EZH2: variants seen among roughly 807,000 people sequenced by gnomAD.
EZH2 encodes enhancer of zeste 2 polycomb repressive complex 2 subunit.
EZH2 carries 18 observed loss-of-function variants against 98.4 expected under a neutral mutation model. The ratio of observed to expected loss-of-function variants is 0.18; its 90% CI spans 0.13 to 0.27. EZH2 has a LOEUF of 0.27. EZH2 is among the 10% of genes least tolerant of loss of function. The pLI is 1.00. For synonymous variants in EZH2, 338 were observed against 312.3 expected (o/e 1.08, Z -0.87); for missense variants, 470 against 935.1 (o/e 0.50, Z 6.49).
intron 1 of EZH2, among the ~76,000 whole-genome samples, chr7:148,865,564 C>A (rs149690927): frequency 1.3e-5 from 2 of 152,238 alleles, no homozygotes; most frequent in East Asian, 3.9e-4. Flanking sequence ...AAGTACAAAC[C>A]AACAACTCTG....
intron 15 of EZH2, 177 bp from the exon 16 acceptor site, chr7:148,811,897 G>C (rs1306040211): frequency 3.4e-6 from 2 of 582,176 alleles, no homozygotes; most frequent in East Asian, 5.7e-5. Flanking sequence ...GAATGGCTAT[G>C]AACATTATGT....
intron 1 of EZH2, among the ~76,000 whole-genome samples, chr7:148,881,983 C>T (rs1821056710): frequency 1.3e-5 from 2 of 148,592 alleles, no homozygotes; most frequent in South Asian, 2.1e-4. Flanking sequence ...CACACACACA[C>T]ACACACACAC....
chr7:148,841,565 A>T (rs141090536), intron 3 of EZH2, among the ~76,000 whole-genome samples: 285 of 152,310 alleles, frequency 1.9e-3, no homozygotes, highest in Non-Finnish European at 3.4e-3. Flanking sequence ...TTTCTGCCAT[A>T]TTTGCTCAAA....
intron 1 of EZH2, among the ~76,000 whole-genome samples, chr7:148,866,108 G>A (rs1451773053): frequency 6.6e-6 from 1 of 152,146 alleles, no homozygotes; most frequent in African/African-American, 2.4e-5. Context: ...GCAGTTATGA[G>A]CAGTAAGTCT....
At chr7:148,841,649 A>G (rs996928764) in intron 3 of EZH2, among the ~76,000 whole-genome samples, 2 of 152,226 alleles carry the variant, frequency 1.3e-5, no homozygotes, top group African/African-American at 4.8e-5. Flanking sequence ...CTACACTCAA[A>G]GAATGTATCT....
At chr7:148,860,206 A>G (rs1817465394) in intron 1 of EZH2, among the ~76,000 whole-genome samples, 1 of 152,184 alleles carries the variant, frequency 6.6e-6, no homozygotes, top group Non-Finnish European at 1.5e-5. Flanking sequence ...AAGTTGAATT[A>G]ACCCTGGGAT....
At chr7:148,871,841 TG>T (rs1251678143) in intron 1 of EZH2, among the ~76,000 whole-genome samples, 3 of 152,140 alleles carry the variant, frequency 2.0e-5, no homozygotes, top group Non-Finnish European at 4.4e-5. Flanking sequence ...TCCCAAGTGC[TG>T]GGATTACAGG....
intron 1 of EZH2, chr7:148,876,222 G>C (rs1266895818): frequency 1.3e-5 from 2 of 152,110 alleles, no homozygotes; most frequent in Admixed American, 1.3e-4. Context: ...AGGAGGCGGA[G>C]GTTGCAGTGA....
Position 148,817,209 on chromosome 7 carries a change from T to A in EZH2, c.1410+13A>T, listed in dbSNP as rs1045918839. The A allele has an allele frequency of 2.5e-6, 4 of 1,603,626 alleles. No homozygotes were observed. Among genetic ancestry groups the A allele is most frequent in the Non-Finnish European group, 3.4e-6 (4 of 1,175,038 alleles). On this transcript the variant is annotated intron_variant, in intron 11 of 19. Transcript: ENST00000320356. ...TGAAGCTCTTTTAACAACATTTTTA[T>A]CGGATATCTTACCTGTCTACATGTT...
intron 1 of EZH2, among the ~76,000 whole-genome samples, chr7:148,872,995 T>TAAG (rs1819636140): frequency 6.6e-6 from 1 of 151,954 alleles, no homozygotes. Context: ...GGGCAACATA[T>TAAG]AAGACCCCAA....
At chr7:148,873,658 A>G (rs754904142) in intron 1 of EZH2, among the ~76,000 whole-genome samples, 6 of 150,488 alleles carry the variant, frequency 4.0e-5, no homozygotes, top group African/African-American at 7.4e-5. Flanking sequence ...ACAGTAATCA[A>G]TATCATAACA....
chr7:148,808,231 C>T (rs1802041576), intron 19 of EZH2, among the ~76,000 whole-genome samples: 1 of 152,350 alleles, frequency 6.6e-6, no homozygotes, highest in Non-Finnish European at 1.5e-5. Context: ...AAGGAAGCTC[C>T]ACCCCACACT....
At chr7:148,843,091 C>T (rs1401706225) in intron 3 of EZH2, among the ~76,000 whole-genome samples, 1 of 151,826 alleles carries the variant, frequency 6.6e-6, no homozygotes, top group Non-Finnish European at 1.5e-5. Flanking sequence ...GCCTGTAATC[C>T]CAGCTACTCA....
At chr7:148,847,103 A>G in intron 2 of EZH2, 79 bp downstream of exon 2, 1 of 1,498,854 alleles carries the variant, frequency 6.7e-7, no homozygotes, top group Non-Finnish European at 8.9e-7. Flanking sequence ...ATTATTTTAA[A>G]TAAAAACTTA....
At chr7:148,808,437 GAC>G (rs541080933) in intron 19 of EZH2, among the ~76,000 whole-genome samples, 308 of 152,352 alleles carry the variant, frequency 2.0e-3, no homozygotes, top group African/African-American at 6.8e-3. Flanking sequence ...TCATTAACTA[GAC>G]AGTCATCTGA....
intron 18 of EZH2, 47 bp downstream of exon 18, chr7:148,809,263 C>T (rs1468882488): frequency 6.3e-7 from 1 of 1,583,300 alleles, no homozygotes; most frequent in South Asian, 1.1e-5. Context: ...AGTCCATCAT[C>T]ACAGGACTGA....
At chr7:148,877,192 G>A (rs1324118619) in intron 1 of EZH2, among the ~76,000 whole-genome samples, 1 of 152,014 alleles carries the variant, frequency 6.6e-6, no homozygotes, top group Non-Finnish European at 1.5e-5. Flanking sequence ...TGAAAATTTG[G>A]GGAAGAATAT....
rs60020948 is a variant in EZH2 at position 148,839,053 on chromosome 7, TAAGGAAGGAAGG to T, written c.247-6315_247-6304del. Among the ~76,000 whole-genome samples, 808 of 107,808 alleles carry T rather than the reference TAAGGAAGGAAGG, an allele frequency of 7.5e-3. 5 individuals are homozygous for T. Among genetic ancestry groups the T allele is most frequent in the African/African-American group, 0.013 (359 of 26,820 alleles). The allele number at this position is 107,808 out of a possible 152,430, so 70.7% of individuals were successfully genotyped here. A position where few individuals can be genotyped will look rare whatever the true frequency, so the allele number is the denominator to read the frequency against. The stretch of plus-strand genomic sequence containing the variant: ...GGTAATAGAGCAAAACTCTGTCAAA[TAAGGAAGGAAGG>T]AAGGAAGGAAGGAAGGAAGGAAGGA... On this transcript the variant is annotated intron_variant, in intron 3 of 19. Coordinates refer to ENST00000320356, the MANE Select transcript of EZH2 (RefSeq NM_004456.5).
At chr7:148,818,231 T>G (rs1401295600) in intron 9 of EZH2, 114 bp from the exon 10 acceptor site, 1 of 1,093,116 alleles carries the variant, frequency 9.1e-7, no homozygotes, top group Admixed American at 2.7e-5. Context: ...ACATTATCCA[T>G]TTATCACAAA....
Sources: allele counts gnomAD v4.1 joint callset (sites outside exome capture counted in the v4.1 genomes callset), GRCh38; gene constraint gnomAD v4.1.1; transcripts MANE v1.5; gene names NCBI Gene and HGNC (gene_info 2026-07-23, HGNC 2026-07-21).